Variants in LTBP1 observed in about 807,000 individuals in gnomAD.
The protein encoded by LTBP1 is latent transforming growth factor beta binding protein 1.
In LTBP1, 129 loss-of-function variants were observed where a neutral mutation model predicts 207.6. The observed-to-expected ratio is 0.62, with a 90% CI of 0.54 to 0.72. LTBP1 has a LOEUF of 0.72. Ranked by LOEUF, LTBP1 falls within the 30% of genes least tolerant of loss-of-function variation. The probability of loss-of-function intolerance (pLI) is 0.00; values close to 1 mark genes in which losing one functional copy is unlikely to be tolerated. For synonymous variants in LTBP1, 963 were observed against 833.7 expected (o/e 1.16, Z -2.67); for missense variants, 2,281 against 2,217.2 (o/e 1.03, Z -0.58).
intron 19 of LTBP1, among the ~76,000 whole-genome samples, chr2:33,284,054 A>G (rs1001036103): frequency 1.3e-5 from 2 of 152,102 alleles, no homozygotes; most frequent in Non-Finnish European, 1.5e-5. Context: ...TTCAACCCCT[A>G]TATTCTGCAG....
chr2:33,032,293 C>A (rs1012880189), intron 3 of LTBP1, among the ~76,000 whole-genome samples: 2 of 152,186 alleles, frequency 1.3e-5, no homozygotes, highest in African/African-American at 4.8e-5. Context: ...GTTGATCAAA[C>A]TAACACATCA....
intron 2 of LTBP1, among the ~76,000 whole-genome samples, chr2:32,991,949 C>T (rs886875358): frequency 6.6e-6 from 1 of 152,122 alleles, no homozygotes; most frequent in African/African-American, 2.4e-5. Context: ...TACTCATTTG[C>T]TGGTATTATT....
At chr2:32,991,093 G>A (rs1030698938) in intron 2 of LTBP1, among the ~76,000 whole-genome samples, 8 of 152,118 alleles carry the variant, frequency 5.3e-5, no homozygotes, top group African/African-American at 1.4e-4. Flanking sequence ...AGAAAGTGCC[G>A]ATTTTCCTTT....
intron 5 of LTBP1, among the ~76,000 whole-genome samples, chr2:33,176,685 C>G (rs2086095294): frequency 6.6e-6 from 1 of 152,152 alleles, no homozygotes; most frequent in African/African-American, 2.4e-5. Flanking sequence ...TAGTGCACGA[C>G]CTGACCAGCT....
chr2:33,170,189 A>G (rs2085291186), intron 5 of LTBP1, among the ~76,000 whole-genome samples: 1 of 152,196 alleles, frequency 6.6e-6, no homozygotes, highest in East Asian at 1.9e-4. Flanking sequence ...CTCGAGCCGA[A>G]GCAGGGCGAG....
At chr2:33,168,945 A>G (rs762753398) in intron 5 of LTBP1, among the ~76,000 whole-genome samples, 1 of 152,222 alleles carries the variant, frequency 6.6e-6, no homozygotes. Context: ...TGCCCTTTAA[A>G]AGAAATAAAA....
chr2:33,083,105 C>T (rs1418625143), intron 3 of LTBP1, among the ~76,000 whole-genome samples: 1 of 151,878 alleles, frequency 6.6e-6, no homozygotes, highest in African/African-American at 2.4e-5. Flanking sequence ...CTTCTCCGTC[C>T]TGCTTGCTGC....
At chr2:33,283,965 A>G (rs1168105388) in intron 19 of LTBP1, among the ~76,000 whole-genome samples, 2 of 152,170 alleles carry the variant, frequency 1.3e-5, no homozygotes, top group Admixed American at 6.5e-5. Context: ...CATTATGCTT[A>G]TAGTTTTTTT....
At chr2:33,251,489 T>C (rs1338444097) in intron 10 of LTBP1, among the ~76,000 whole-genome samples, 2 of 151,994 alleles carry the variant, frequency 1.3e-5, no homozygotes, top group South Asian at 2.1e-4. Context: ...TGAAACCCTG[T>C]CTCTACTAAA....
rs1199795268 is a variant in LTBP1 at position 32,976,826 on chromosome 2, G to A, written c.565+27881G>A. On this transcript the variant is annotated intron_variant, in intron 2 of 33. Coordinates refer to ENST00000404816, the MANE Select transcript of LTBP1 (RefSeq NM_206943.4). ...TCTTCTCTCACTGACCTGAAAGTGA[G>A]GGCTCCTCCCTGCTTGGGTACAGCA... Among the ~76,000 whole-genome samples, 6 of 152,342 alleles carry A rather than the reference G, an allele frequency of 3.9e-5. No homozygotes were observed. The East Asian group carries it at 9.6e-4, about 24-fold the overall frequency.
chr2:33,246,132 T>C (rs2092500590), intron 10 of LTBP1, among the ~76,000 whole-genome samples: 1 of 152,248 alleles, frequency 6.6e-6, no homozygotes, highest in Admixed American at 6.5e-5. Context: ...CTGATAAGTA[T>C]TAAGAGACGT....
intron 19 of LTBP1, among the ~76,000 whole-genome samples, chr2:33,292,460 C>T (rs2093793245): frequency 1.3e-5 from 2 of 152,186 alleles, no homozygotes; most frequent in African/African-American, 4.8e-5. Context: ...TCAGTTCCTT[C>T]CTCCATAAAA....
intron 19 of LTBP1, among the ~76,000 whole-genome samples, chr2:33,280,965 G>A (rs1573592360): frequency 6.6e-6 from 1 of 152,144 alleles, no homozygotes; most frequent in South Asian, 2.1e-4. Flanking sequence ...TCAGCTACTT[G>A]AAGGCTGAGG....
At chr2:33,155,531 G>A (rs117208795) in intron 5 of LTBP1, among the ~76,000 whole-genome samples, 2,289 of 152,134 alleles carry the variant, frequency 0.015, 23 homozygotes, top group East Asian at 0.027. Context: ...TTTGTTTTGA[G>A]GGTTTGTCCT....
At chr2:33,358,756 G>A (rs1297241690) in intron 26 of LTBP1, among the ~76,000 whole-genome samples, 2 of 152,268 alleles carry the variant, frequency 1.3e-5, no homozygotes, top group Admixed American at 1.3e-4. Context: ...AGCGGAACTG[G>A]TAGTAGTAAC....
intron 5 of LTBP1, among the ~76,000 whole-genome samples, chr2:33,175,980 G>A (rs1572989084): frequency 2.2e-5 from 2 of 90,772 alleles, no homozygotes; most frequent in Non-Finnish European, 2.0e-5. Context: ...ACAGGAAGGG[G>A]AACATCACAC....
chr2:33,256,362 C>T (rs1229861863), intron 11 of LTBP1, among the ~76,000 whole-genome samples: 1 of 152,134 alleles, frequency 6.6e-6, no homozygotes. Flanking sequence ...TTTCCGTCCT[C>T]CGTAATCTAC....
chr2:32,956,455 G>T (rs1201812193), intron 2 of LTBP1, among the ~76,000 whole-genome samples: 1 of 152,144 alleles, frequency 6.6e-6, no homozygotes, highest in Non-Finnish European at 1.5e-5. Context: ...CACCTTCTTT[G>T]CTCATTCATA....
intron 2 of LTBP1, among the ~76,000 whole-genome samples, chr2:32,953,291 C>G (rs1248485157): frequency 1.3e-5 from 2 of 152,208 alleles, no homozygotes; most frequent in Non-Finnish European, 2.9e-5. Context: ...CAGGCTGTCC[C>G]CCATCCCTCT....
Sources: allele counts gnomAD v4.1 joint callset (sites outside exome capture counted in the v4.1 genomes callset), GRCh38; gene constraint gnomAD v4.1.1; transcripts MANE v1.5; gene names NCBI Gene and HGNC (gene_info 2026-07-23, HGNC 2026-07-21).